SGCZ: variants seen among roughly 807,000 people sequenced by gnomAD.
SGCZ encodes sarcoglycan zeta.
SGCZ carries 40 observed loss-of-function variants against 41.3 expected under a neutral mutation model. That is an observed-to-expected ratio of 0.97 (90% CI 0.75 to 1.26). SGCZ has a LOEUF of 1.26. SGCZ is among the 50% of genes most tolerant of loss of function. The pLI is 0.00. For missense variants in SGCZ, 552 were observed against 369.8 expected, an observed-to-expected ratio of 1.49 and a Z score of -4.04; for synonymous variants, 206 against 137.5, an observed-to-expected ratio of 1.50 and a Z score of -3.49.
chr8:14,900,470 C>A (rs1047744351), intron 1 of SGCZ, among the ~76,000 whole-genome samples: 4 of 152,050 alleles, frequency 2.6e-5, no homozygotes, highest in African/African-American at 9.7e-5. Context: ...AGAAATCAAC[C>A]AACGAAATCA....
chr8:14,927,009 T>A (rs1799775705), intron 1 of SGCZ, among the ~76,000 whole-genome samples: 1 of 152,016 alleles, frequency 6.6e-6, no homozygotes. Context: ...CACATTCCTA[T>A]GGACACAGTA....
At chr8:14,410,643 A>G (rs574446264) in intron 2 of SGCZ, among the ~76,000 whole-genome samples, 1 of 152,076 alleles carries the variant, frequency 6.6e-6, no homozygotes, top group Non-Finnish European at 1.5e-5. Context: ...GAGCATTACT[A>G]CAAATACCTA....
chr8:14,612,949 G>A (rs1366994875), intron 1 of SGCZ, among the ~76,000 whole-genome samples: 3 of 152,182 alleles, frequency 2.0e-5, no homozygotes, highest in Non-Finnish European at 4.4e-5. Context: ...GCCTCCCAAA[G>A]TGCTGGGATT....
chr8:15,065,604 C>G (rs944550354), intron 1 of SGCZ, among the ~76,000 whole-genome samples: 1 of 151,698 alleles, frequency 6.6e-6, no homozygotes, highest in Non-Finnish European at 1.5e-5. Context: ...ACCCAGCTAA[C>G]GTTTTTGTAT....
At chr8:15,077,710 A>T (rs1024489746) in intron 1 of SGCZ, among the ~76,000 whole-genome samples, 4 of 152,374 alleles carry the variant, frequency 2.6e-5, no homozygotes, top group African/African-American at 9.6e-5. Context: ...CTTTCAAATT[A>T]GTATCTTCCT....
chr8:14,679,778 C>A (rs72607333), intron 1 of SGCZ, among the ~76,000 whole-genome samples: 30,157 of 151,826 alleles, frequency 0.2, 3,620 homozygotes, highest in East Asian at 0.44. Context: ...TCACTAGCCA[C>A]CTACTCACCC....
chr8:14,097,942 G>GT (rs1428847970), intron 7 of SGCZ, among the ~76,000 whole-genome samples: 1 of 151,740 alleles, frequency 6.6e-6, no homozygotes, highest in East Asian at 1.9e-4. Flanking sequence ...TCCCATTGCA[G>GT]TTTTTTATTT....
At chr8:14,320,528 T>G (rs1333913112) in intron 3 of SGCZ, among the ~76,000 whole-genome samples, 1 of 152,040 alleles carries the variant, frequency 6.6e-6, no homozygotes, top group African/African-American at 2.4e-5. Flanking sequence ...GTTACGTATG[T>G]ATACAGCTTT....
chr8:14,407,815 C>T (rs920052168), intron 2 of SGCZ, among the ~76,000 whole-genome samples: 1 of 152,104 alleles, frequency 6.6e-6, no homozygotes, highest in African/African-American at 2.4e-5. Context: ...AAATGATGAC[C>T]TTATTCATTC....
intron 2 of SGCZ, among the ~76,000 whole-genome samples, chr8:14,459,380 C>A (rs555077427): frequency 6.6e-6 from 1 of 151,654 alleles, no homozygotes; most frequent in Non-Finnish European, 1.5e-5. Flanking sequence ...AACAAACCTG[C>A]ACATTGTGCA....
chr8:15,133,438 C>T (rs915456119), intron 1 of SGCZ, among the ~76,000 whole-genome samples: 4 of 152,114 alleles, frequency 2.6e-5, no homozygotes, highest in Non-Finnish European at 5.9e-5. Context: ...CAGTGAAAAT[C>T]TTTCTCAGCC....
At chr8:15,218,447 T>C (rs1410287158) in intron 1 of SGCZ, among the ~76,000 whole-genome samples, 1 of 152,244 alleles carries the variant, frequency 6.6e-6, no homozygotes, top group Admixed American at 6.5e-5. Context: ...TCTCAGTGTT[T>C]ATAATTAAAA....
intron 5 of SGCZ, among the ~76,000 whole-genome samples, chr8:14,158,728 C>T (rs993189547): frequency 9.9e-5 from 15 of 152,162 alleles, no homozygotes; most frequent in Admixed American, 7.9e-4. Flanking sequence ...AAAGTAACTA[C>T]GACCAAGTCT....
chr8:14,169,400 T>G (rs931496972), intron 4 of SGCZ, among the ~76,000 whole-genome samples: 1 of 152,098 alleles, frequency 6.6e-6, no homozygotes, highest in Admixed American at 6.6e-5. Context: ...CCAACTCCAA[T>G]CAGGCATTAT....
chr8:15,201,829 A>C (rs759446582), intron 1 of SGCZ, among the ~76,000 whole-genome samples: 7 of 152,192 alleles, frequency 4.6e-5, no homozygotes, highest in Non-Finnish European at 8.8e-5. Flanking sequence ...ACAGTCATTT[A>C]TCTACCCTGA....
chr8:15,055,998 C>T (rs1052693515), intron 1 of SGCZ, among the ~76,000 whole-genome samples: 2 of 152,196 alleles, frequency 1.3e-5, no homozygotes, highest in African/African-American at 4.8e-5. Flanking sequence ...CTGGGTAAAG[C>T]AGTGATGTGA....
At chr8:14,260,305 T>G (rs1299120699) in intron 3 of SGCZ, among the ~76,000 whole-genome samples, 3 of 151,492 alleles carry the variant, frequency 2.0e-5, no homozygotes, top group African/African-American at 7.3e-5. Context: ...CAGACACTTC[T>G]CAAAAGAAGA....
At chr8:14,187,972 G>A (rs1366368578) in intron 4 of SGCZ, among the ~76,000 whole-genome samples, 1 of 152,094 alleles carries the variant, frequency 6.6e-6, no homozygotes, top group African/African-American at 2.4e-5. Flanking sequence ...TATAAGGAAT[G>A]CTTAATAAGG....
At chr8:14,601,452 CT>C (rs35898116) in intron 1 of SGCZ, among the ~76,000 whole-genome samples, 3 of 151,382 alleles carry the variant, frequency 2.0e-5, no homozygotes, top group African/African-American at 7.3e-5. Flanking sequence ...AAGTTGGTTC[CT>C]TTTTTTTCAA....
Sources: gnomAD v4.1 joint callset for allele counts (sites outside exome capture counted in the v4.1 genomes callset) on GRCh38, gnomAD v4.1.1 for gene constraint, MANE v1.5 for transcripts, NCBI Gene and HGNC (gene_info 2026-07-23, HGNC 2026-07-21) for gene names.